GRID1: variants seen among roughly 807,000 people sequenced by gnomAD.
The protein encoded by GRID1 is glutamate receptor ionotropic, delta-1.
GRID1 carries 28 observed loss-of-function variants against 98.0 expected under a neutral mutation model. The ratio of observed to expected loss-of-function variants is 0.29; its 90% CI spans 0.21 to 0.39. The LOEUF is 0.39. Among genes scored for constraint, GRID1 ranks in the 10% least tolerant of loss-of-function variants. The probability of loss-of-function intolerance (pLI) is 1.00; values close to 1 mark genes in which losing one functional copy is unlikely to be tolerated. For synonymous variants in GRID1, 553 were observed against 538.5 expected (o/e 1.03, Z -0.37); for missense variants, 1,111 against 1,340.5 (o/e 0.83, Z 2.67).
At chr10:85,835,410 G>A (rs111306641) in intron 8 of GRID1, among the ~76,000 whole-genome samples, 1 of 152,274 alleles carries the variant, frequency 6.6e-6, no homozygotes, top group Admixed American at 6.5e-5. Flanking sequence ...AACGATGGGG[G>A]CAATTTCCCC....
intron 2 of GRID1, among the ~76,000 whole-genome samples, chr10:86,239,279 G>A (rs905578578): frequency 2.0e-5 from 3 of 152,110 alleles, no homozygotes; most frequent in East Asian, 3.9e-4. Context: ...TCTCCCTCTT[G>A]GAATGGGTGT....
intron 4 of GRID1, among the ~76,000 whole-genome samples, chr10:85,980,634 C>T (rs1306155358): frequency 3.3e-5 from 5 of 152,196 alleles, no homozygotes; most frequent in Non-Finnish European, 7.3e-5. Context: ...ACTCGTGTTC[C>T]CATATGAGGC....
chr10:86,103,682 T>A (rs1844334915), intron 4 of GRID1, among the ~76,000 whole-genome samples: 1 of 152,210 alleles, frequency 6.6e-6, no homozygotes, highest in Non-Finnish European at 1.5e-5. Flanking sequence ...GCTCCAGCCA[T>A]GGCTCTTAAA....
chr10:85,766,866 C>T (rs1293996868), intron 8 of GRID1, among the ~76,000 whole-genome samples: 2 of 151,562 alleles, frequency 1.3e-5, no homozygotes, highest in African/African-American at 2.4e-5. Context: ...CCTGATTTTA[C>T]ATTCACAATT....
At chr10:85,947,729 CA>C (rs1457456525) in intron 4 of GRID1, among the ~76,000 whole-genome samples, 2 of 152,222 alleles carry the variant, frequency 1.3e-5, no homozygotes, top group Admixed American at 6.5e-5. Context: ...GAAGAAGTGG[CA>C]AAAGCATAAA....
At chr10:85,989,885 ATTAG>A (rs1280298410) in intron 4 of GRID1, among the ~76,000 whole-genome samples, 1 of 152,186 alleles carries the variant, frequency 6.6e-6, no homozygotes, top group Non-Finnish European at 1.5e-5. Flanking sequence ...TTGGGAGGTG[ATTAG>A]TTAAAGAGAG....
intron 4 of GRID1, among the ~76,000 whole-genome samples, chr10:85,933,973 C>T: frequency 6.6e-6 from 1 of 152,194 alleles, no homozygotes. Context: ...ATCTGAGCTC[C>T]TTCAACATAA....
intron 4 of GRID1, chr10:86,052,672 C>T (rs973674876): frequency 6.6e-6 from 1 of 152,030 alleles, no homozygotes; most frequent in African/African-American, 2.4e-5. Flanking sequence ...AACTCTGGTA[C>T]TACAGAGATA....
At chr10:85,746,022 G>A (rs1369794210) in intron 8 of GRID1, among the ~76,000 whole-genome samples, 1 of 152,178 alleles carries the variant, frequency 6.6e-6, no homozygotes, top group Non-Finnish European at 1.5e-5. Flanking sequence ...ATCACTATGT[G>A]CTTTCCAACT....
At chr10:85,769,048 G>A (rs969786979) in intron 8 of GRID1, among the ~76,000 whole-genome samples, 2 of 152,086 alleles carry the variant, frequency 1.3e-5, no homozygotes, top group African/African-American at 4.8e-5. Context: ...GGAAAGTATT[G>A]TACTTGTAAA....
intron 5 of GRID1, among the ~76,000 whole-genome samples, chr10:85,895,882 A>G (rs912115283): frequency 3.3e-5 from 5 of 152,184 alleles, no homozygotes; most frequent in Non-Finnish European, 5.9e-5. Context: ...TAAAAGGGCC[A>G]CAAGAGTCAA....
At chr10:85,901,448 C>T (rs573769065) in intron 5 of GRID1, among the ~76,000 whole-genome samples, 1 of 152,138 alleles carries the variant, frequency 6.6e-6, no homozygotes, top group East Asian at 1.9e-4. Context: ...CGGGGTTTCA[C>T]CGTGTTAGCC....
At chr10:85,742,298 C>A (rs1273068725) in intron 8 of GRID1, among the ~76,000 whole-genome samples, 2 of 152,006 alleles carry the variant, frequency 1.3e-5, no homozygotes, top group Non-Finnish European at 2.9e-5. Flanking sequence ...GTTGTCTGGG[C>A]CATATGGTCT....
At chr10:85,800,091 C>T (rs957188115) in intron 8 of GRID1, among the ~76,000 whole-genome samples, 2 of 151,788 alleles carry the variant, frequency 1.3e-5, no homozygotes, top group African/African-American at 2.4e-5. Context: ...AAACACATAT[C>T]TAATTCATGC....
chr10:85,975,936 T>G (rs1842466754), intron 4 of GRID1, among the ~76,000 whole-genome samples: 1 of 152,232 alleles, frequency 6.6e-6, no homozygotes, highest in Non-Finnish European at 1.5e-5. Flanking sequence ...ATCTGTCATT[T>G]AGAACTAGCG....
intron 6 of GRID1, among the ~76,000 whole-genome samples, chr10:85,866,103 A>G (rs1344058411): frequency 1.3e-5 from 2 of 150,358 alleles, no homozygotes; most frequent in Non-Finnish European, 1.5e-5. Flanking sequence ...GTGGCCTTGT[A>G]TAAAGAACTA....
At chr10:86,343,609 C>G (rs938797570) in intron 2 of GRID1, among the ~76,000 whole-genome samples, 1 of 152,340 alleles carries the variant, frequency 6.6e-6, no homozygotes, top group Non-Finnish European at 1.5e-5. Context: ...CTCTGCTGGG[C>G]ATACACAGCC....
At chr10:85,909,370 T>C (rs937877942) in intron 5 of GRID1, among the ~76,000 whole-genome samples, 4 of 152,146 alleles carry the variant, frequency 2.6e-5, no homozygotes, top group African/African-American at 9.7e-5. Flanking sequence ...AAATCTACCA[T>C]AGGGGTTGGC....
At chr10:86,266,866 TCCCCCTACC>T (rs1847112196) in intron 2 of GRID1, among the ~76,000 whole-genome samples, 1 of 151,954 alleles carries the variant, frequency 6.6e-6, no homozygotes, top group East Asian at 1.9e-4. Context: ...GTAGTGGGAC[TCCCCCTACC>T]CCTCCACTTC....
Sources: gnomAD v4.1 joint callset for allele counts (sites outside exome capture counted in the v4.1 genomes callset) on GRCh38, gnomAD v4.1.1 for gene constraint, MANE v1.5 for transcripts, NCBI Gene and HGNC (gene_info 2026-07-23, HGNC 2026-07-21) for gene names.